The following MYO3A variants were observed in gnomAD, a reference collection of about 807,000 sequenced individuals.
The protein encoded by MYO3A is myosin IIIA.
A neutral mutation model predicts 192.7 loss-of-function variants in MYO3A; 180 were observed. The ratio of observed to expected loss-of-function variants is 0.93; its 90% CI spans 0.83 to 1.06. MYO3A has a LOEUF of 1.06. Ranked by LOEUF, MYO3A falls within the 50% of genes least tolerant of loss-of-function variation. The probability of loss-of-function intolerance (pLI) is 0.00; values close to 1 mark genes in which losing one functional copy is unlikely to be tolerated. For missense variants in MYO3A, 1,896 were observed against 1,905.0 expected (o/e 1.00, Z 0.09); for synonymous variants, 628 against 645.3 (o/e 0.97, Z 0.41).
intron 9 of MYO3A, among the ~76,000 whole-genome samples, chr10:26,025,634 CT>C (rs1207852937): frequency 6.6e-6 from 1 of 152,200 alleles, no homozygotes; most frequent in African/African-American, 2.4e-5. Flanking sequence ...TCTCTTACCC[CT>C]TGTGACCACT....
chr10:25,957,614 A>G (rs1056365977), intron 4 of MYO3A, among the ~76,000 whole-genome samples: 2 of 152,108 alleles, frequency 1.3e-5, no homozygotes, highest in Non-Finnish European at 2.9e-5. Flanking sequence ...CAGTAATGCA[A>G]TAGATAGCTG....
At chr10:26,119,849 A>C (rs186419595) in intron 17 of MYO3A, among the ~76,000 whole-genome samples, 91 of 152,248 alleles carry the variant, frequency 6.0e-4, no homozygotes, top group Non-Finnish European at 1.1e-3. Context: ...TATAAACTCT[A>C]TACTGTCATC....
At chr10:26,194,264 GT>G (rs1487254540) in intron 32 of MYO3A, among the ~76,000 whole-genome samples, 1 of 152,070 alleles carries the variant, frequency 6.6e-6, no homozygotes, top group Non-Finnish European at 1.5e-5. Flanking sequence ...TCCCTTAATT[GT>G]TCTTTTAATG....
intron 17 of MYO3A, among the ~76,000 whole-genome samples, chr10:26,104,494 TA>T (rs1161895222): frequency 7.2e-5 from 11 of 152,274 alleles, no homozygotes; most frequent in Non-Finnish European, 1.5e-4. Flanking sequence ...CACAAATATA[TA>T]GGTTTATTTC....
chr10:26,117,910 A>G (rs1838614044), intron 17 of MYO3A, among the ~76,000 whole-genome samples: 2 of 152,158 alleles, frequency 1.3e-5, no homozygotes, highest in South Asian at 4.1e-4. Flanking sequence ...TCTTTGAGGA[A>G]TTGCCGCACT....
At position 26,086,273 on chromosome 10, in the gene MYO3A, A is replaced by C. The variant is rs192669167; in HGVS notation, c.1360-1930A>C. ...TGCCACTGTTAAACCATCAGGTCTCATGAGAACTCAGTCATTATCACAAGA... is the reference window on the plus strand; with the variant it reads ...TGCCACTGTTAAACCATCAGGTCTCCTGAGAACTCAGTCATTATCACAAGA... On this transcript the variant is annotated intron_variant, in intron 14 of 34. Transcript: ENST00000642920. 5.6e-4 allele frequency among the ~76,000 whole-genome samples: 85 copies of C among 152,184 alleles called. 1 individual carries two copies. The South Asian group carries it at 0.011, about 20-fold the overall frequency.
Position 26,104,895 on chromosome 10 carries a change from A to ACC in MYO3A, c.1776+8215_1776+8216dup, listed in dbSNP as rs1554825457. On this transcript the variant is annotated intron_variant, in intron 17 of 34. Coordinates refer to ENST00000642920, the MANE Select transcript of MYO3A (RefSeq NM_017433.5). ...CACACACACACACACACACACACACACCCATGCAGATGTTGACACATGCAT... is the reference window on the plus strand; with the variant it reads ...CACACACACACACACACACACACACACCCCCATGCAGATGTTGACACATGCAT... Among the ~76,000 whole-genome samples the ACC allele has an allele frequency of 1.1e-4, 17 of 150,272 alleles. No homozygotes were observed. In the South Asian group the frequency reaches 1.5e-3, roughly 13 times the overall value.
intron 4 of MYO3A, among the ~76,000 whole-genome samples, chr10:25,974,700 G>A (rs373756615): frequency 1.3e-5 from 2 of 152,104 alleles, no homozygotes; most frequent in Non-Finnish European, 2.9e-5. Flanking sequence ...ATGTTTCTTC[G>A]CTGACTGTAT....
chr10:25,994,154 C>T (rs1328954932), intron 4 of MYO3A, among the ~76,000 whole-genome samples: 2 of 152,088 alleles, frequency 1.3e-5, no homozygotes, highest in East Asian at 3.9e-4. Flanking sequence ...GTCTAAGTCT[C>T]TTTGTAGGTC....
chr10:26,211,040 G>C (rs1028635590), intron 34 of MYO3A, among the ~76,000 whole-genome samples: 1 of 151,966 alleles, frequency 6.6e-6, no homozygotes, highest in South Asian at 2.1e-4. Context: ...TTTCTGTGTA[G>C]CCTCTCACCC....
intron 15 of MYO3A, among the ~76,000 whole-genome samples, chr10:26,088,993 A>G (rs958433607): frequency 2.4e-4 from 37 of 152,176 alleles, no homozygotes; most frequent in African/African-American, 8.7e-4. Context: ...CATCTTTGTT[A>G]TTCTAAAGAG....
intron 5 of MYO3A, among the ~76,000 whole-genome samples, chr10:25,996,944 A>G (rs1840484594): frequency 6.6e-6 from 1 of 152,196 alleles, no homozygotes; most frequent in Non-Finnish European, 1.5e-5. Flanking sequence ...GATATTTGCT[A>G]AGAATTAAGG....
intron 4 of MYO3A, among the ~76,000 whole-genome samples, chr10:25,985,167 G>A (rs1422316532): frequency 6.6e-6 from 1 of 151,134 alleles, no homozygotes; most frequent in African/African-American, 2.4e-5. Context: ...GAACCGCGGA[G>A]GCAGAGGTTG....
chr10:25,993,777 T>A (rs534494854), intron 4 of MYO3A, among the ~76,000 whole-genome samples: 7 of 152,094 alleles, frequency 4.6e-5, no homozygotes, highest in African/African-American at 1.4e-4. Context: ...TGTACCCAGT[T>A]GTCATTCAGG....
chr10:26,019,808 G>T (rs960240925), intron 7 of MYO3A, among the ~76,000 whole-genome samples: 10 of 152,092 alleles, frequency 6.6e-5, no homozygotes, highest in Non-Finnish European at 2.9e-5. Context: ...ATGAACATTT[G>T]GGTGTTTATC....
At chr10:26,118,756 C>T (rs988912513) in intron 17 of MYO3A, among the ~76,000 whole-genome samples, 6 of 152,110 alleles carry the variant, frequency 3.9e-5, no homozygotes, top group Admixed American at 2.6e-4. Context: ...CCCAGCCTCC[C>T]GAGTAGCTGG....
intron 27 of MYO3A, among the ~76,000 whole-genome samples, chr10:26,167,733 G>C (rs1403410100): frequency 6.6e-6 from 1 of 152,164 alleles, no homozygotes. Context: ...TTAACATCTA[G>C]AGTCCTGTAG....
At chr10:26,060,311 T>C (rs1006616584) in intron 10 of MYO3A, among the ~76,000 whole-genome samples, 16 of 149,748 alleles carry the variant, frequency 1.1e-4, no homozygotes, top group African/African-American at 3.9e-4. Context: ...ATTTAAAAAA[T>C]ACAAAAATTA....
intron 4 of MYO3A, among the ~76,000 whole-genome samples, chr10:25,957,683 T>A (rs899347188): frequency 6.6e-6 from 1 of 152,224 alleles, no homozygotes. Context: ...TTTTCCACAA[T>A]GGCTAAACTA....
Sources: allele counts gnomAD v4.1 joint callset (sites outside exome capture counted in the v4.1 genomes callset), GRCh38; gene constraint gnomAD v4.1.1; transcripts MANE v1.5; gene names NCBI Gene and HGNC (gene_info 2026-07-23, HGNC 2026-07-21).